PTPN12: variants seen among roughly 807,000 people sequenced by gnomAD.
The protein encoded by PTPN12 is protein tyrosine phosphatase non-receptor type 12.
A neutral mutation model predicts 97.6 loss-of-function variants in PTPN12; 29 were observed. That is an observed-to-expected ratio of 0.30 (90% CI 0.22 to 0.41). The LOEUF (loss-of-function observed/expected upper bound fraction) is 0.41, where lower values mean the gene tolerates loss of function less well. Ranked by LOEUF, PTPN12 falls within the 10% of genes least tolerant of loss-of-function variation. The probability of loss-of-function intolerance (pLI) is 1.00; values close to 1 mark genes in which losing one functional copy is unlikely to be tolerated. For missense variants in PTPN12, 819 were observed against 926.0 expected, an observed-to-expected ratio of 0.88 and a Z score of 1.50; for synonymous variants, 327 against 300.4, an observed-to-expected ratio of 1.09 and a Z score of -0.91.
At chr7:77,569,771 A>AAAAC (rs557489950) in intron 1 of PTPN12, among the ~76,000 whole-genome samples, 1,652 of 152,288 alleles carry the variant, frequency 0.011, 25 homozygotes, top group Non-Finnish European at 0.013. Context: ...ATCCTGTCTC[A>AAAAC]AAACAAACAA....
chr7:77,550,225 T>C (rs1312230827), intron 1 of PTPN12, among the ~76,000 whole-genome samples: 1 of 152,134 alleles, frequency 6.6e-6, no homozygotes, highest in African/African-American at 2.4e-5. Flanking sequence ...AACGTGTGGG[T>C]AGTAGAGATA....
intron 1 of PTPN12, chr7:77,538,934 G>C (rs1350398099): frequency 1.3e-5 from 2 of 152,070 alleles, no homozygotes; most frequent in Non-Finnish European, 2.9e-5. Flanking sequence ...AAATAAGCTG[G>C]GGAAAATTTT....
intron 8 of PTPN12, among the ~76,000 whole-genome samples, chr7:77,602,705 A>G (rs1336660156): frequency 6.6e-6 from 1 of 152,028 alleles, no homozygotes; most frequent in Non-Finnish European, 1.5e-5. Context: ...TTCATTATAT[A>G]GGTATGGGTT....
At chr7:77,592,037 C>G (rs1354414223) in intron 5 of PTPN12, 148 bp from the exon 6 acceptor site, 1 of 671,132 alleles carries the variant, frequency 1.5e-6, no homozygotes, top group Non-Finnish European at 2.5e-6. Context: ...CTGGGTAAAT[C>G]TAAGCTCTCT....
At chr7:77,579,676 A>G (rs1192601860) in intron 2 of PTPN12, among the ~76,000 whole-genome samples, 4 of 152,212 alleles carry the variant, frequency 2.6e-5, no homozygotes, top group Non-Finnish European at 5.9e-5. Flanking sequence ...AAACATCAGC[A>G]CAAACTGGAA....
intron 8 of PTPN12, 122 bp downstream of exon 8, chr7:77,600,928 G>C (rs1220232588): frequency 2.7e-5 from 23 of 851,964 alleles, no homozygotes; most frequent in Non-Finnish European, 3.9e-5. Context: ...CAATGTTTGG[G>C]ACTAGGGCCT....
At position 77,606,705 on chromosome 7, in the gene PTPN12, G is replaced by A. The variant is rs533676014; in HGVS notation, c.696-530G>A. 3.9e-5 allele frequency among the ~76,000 whole-genome samples: 6 copies of A among 152,334 alleles called. No homozygotes were observed. The East Asian group carries it at 1.2e-3, about 29-fold the overall frequency. On this transcript the variant is annotated intron_variant, in intron 8 of 17. Transcript: ENST00000248594. ...AAACACTTTGTAAGTTTTAAATGCTGCACCATTCTGAGAAGCATGGGGAAG... is the reference window on the plus strand; with the variant it reads ...AAACACTTTGTAAGTTTTAAATGCTACACCATTCTGAGAAGCATGGGGAAG...
intron 16 of PTPN12, 40 bp from the exon 17 acceptor site, chr7:77,638,584 A>G: frequency 6.5e-7 from 1 of 1,532,392 alleles, no homozygotes; most frequent in Non-Finnish European, 8.7e-7. Context: ...ATGATGCTAC[A>G]AAGGATGGTG....
At chr7:77,606,344 A>T (rs530206619) in intron 8 of PTPN12, among the ~76,000 whole-genome samples, 8 of 152,306 alleles carry the variant, frequency 5.3e-5, no homozygotes, top group Non-Finnish European at 1.0e-4. Flanking sequence ...TTCCAGAGTG[A>T]CAACTTAGTA....
chr7:77,543,885 G>A (rs7782416), intron 1 of PTPN12, among the ~76,000 whole-genome samples: 23,623 of 152,106 alleles, frequency 0.16, 2,397 homozygotes, highest in African/African-American at 0.29. Flanking sequence ...CTATTGTATA[G>A]ATACCACATT....
intron 1 of PTPN12, among the ~76,000 whole-genome samples, chr7:77,541,149 G>A (rs1806954815): frequency 2.6e-5 from 4 of 152,180 alleles, no homozygotes; most frequent in Admixed American, 2.0e-4. Flanking sequence ...GGAGTGCATG[G>A]TTGCGATCCT....
At chr7:77,594,991 C>A (rs1787979354) in intron 6 of PTPN12, among the ~76,000 whole-genome samples, 1 of 151,930 alleles carries the variant, frequency 6.6e-6, no homozygotes, top group Non-Finnish European at 1.5e-5. Flanking sequence ...TGAATTGATT[C>A]TTGGGGGATG....
chr7:77,597,922 G>C, intron 7 of PTPN12, 21 bp downstream of exon 7: 2 of 1,610,038 alleles, frequency 1.2e-6, no homozygotes, highest in Non-Finnish European at 1.7e-6. Context: ...ACCATTTATA[G>C]ACTATCTGTA....
chr7:77,589,931 C>T (rs964352136), intron 5 of PTPN12, among the ~76,000 whole-genome samples: 14 of 152,032 alleles, frequency 9.2e-5, no homozygotes, highest in Admixed American at 4.6e-4. Flanking sequence ...TTTTTTGAAG[C>T]GAAAGGTTTT....
Position 77,600,668 on chromosome 7 carries a change from C to T in PTPN12, c.557C>T (p.Ser186Phe), listed in dbSNP as rs1788162360. The change falls in exon 8 of 18, where the codon TCT (serine) becomes TTT (phenylalanine). Residue 186 changes from serine (S) to phenylalanine (F), a missense_variant. Around this residue, in one of 5 missense-constraint regions of PTPN12, gnomAD observed 45 missense variants for 52.0 expected, o/e 0.87. Transcript: ENST00000248594. ...GACTTTCTGTTTTTCTTGAAGGAAT[C>T]TCGTAGGCTGTATCAGTTTCATTAT... The part of the protein sequence containing the change: ...RTLLLEFQNE[S>F]RRLYQFHYVN... 4 of 1,594,118 alleles carry T rather than the reference C, an allele frequency of 2.5e-6. No individual in the cohort carries two copies. The highest frequency in any genetic ancestry group is 2.6e-6 in the Non-Finnish European group (3 of 1,173,590).
At chr7:77,590,577 G>A (rs758414378) in intron 5 of PTPN12, among the ~76,000 whole-genome samples, 42 of 148,862 alleles carry the variant, frequency 2.8e-4, no homozygotes, top group Non-Finnish European at 4.4e-5. Context: ...TTTTTTTGTG[G>A]GGAGAGACAG....
At chr7:77,615,446 AAC>A (rs1385414100) in intron 11 of PTPN12, among the ~76,000 whole-genome samples, 2 of 151,822 alleles carry the variant, frequency 1.3e-5, no homozygotes, top group African/African-American at 4.9e-5. Context: ...TTCTGTTTAA[AAC>A]AAGAGAACAC....
Position 77,591,003 on chromosome 7 carries a change from C to T in PTPN12, c.421-1182C>T, listed in dbSNP as rs530130765. On this transcript the variant is annotated intron_variant, in intron 5 of 17. Transcript: ENST00000248594. ...AGTGAGCCGTGATTGCACCACTGCA[C>T]ACTCCAGCCTGGGTGACAAAGTGAG... Among the ~76,000 whole-genome samples the T allele has an allele frequency of 3.9e-5, 6 of 152,250 alleles. No homozygotes were observed. The South Asian group carries it at 1.2e-3, about 32-fold the overall frequency.
intron 1 of PTPN12, among the ~76,000 whole-genome samples, chr7:77,548,056 A>G (rs567187089): frequency 2.4e-4 from 37 of 152,308 alleles, no homozygotes; most frequent in African/African-American, 8.4e-4. Flanking sequence ...TTAAAAATTG[A>G]GTCCTTGTCA....
Sources: allele counts gnomAD v4.1 joint callset (sites outside exome capture counted in the v4.1 genomes callset), GRCh38; gene constraint gnomAD v4.1.1; regional missense constraint gnomAD v4.1.1; transcripts MANE v1.5; gene names NCBI Gene and HGNC (gene_info 2026-07-23, HGNC 2026-07-21).